Variants in ABCB5 observed in about 807,000 individuals in gnomAD.
The protein encoded by ABCB5 is ATP binding cassette subfamily B member 5.
In ABCB5, 155 loss-of-function variants were observed where a neutral mutation model predicts 144.2. That is an observed-to-expected ratio of 1.08 (90% CI 0.94 to 1.23). ABCB5 has a LOEUF of 1.23. Among genes scored for constraint, ABCB5 ranks in the 50% most tolerant of loss-of-function variants. The pLI, the probability that ABCB5 is intolerant of heterozygous loss-of-function variation, is 0.00. For missense variants in ABCB5, 1,830 were observed against 1,520.8 expected, an observed-to-expected ratio of 1.20 and a Z score of -3.38; for synonymous variants, 610 against 528.6, an observed-to-expected ratio of 1.15 and a Z score of -2.11.
At chr7:20,647,911 T>G in intron 10 of ABCB5, 57 bp from the exon 11 acceptor site, 1 of 1,210,386 alleles carries the variant, frequency 8.3e-7, no homozygotes, top group Non-Finnish European at 1.2e-6. Context: ...TTTTAAAATG[T>G]AGAGACTGTC....
chr7:20,625,245 T>C (rs946057708), intron 2 of ABCB5, among the ~76,000 whole-genome samples: 1 of 152,202 alleles, frequency 6.6e-6, no homozygotes, highest in African/African-American at 2.4e-5. Flanking sequence ...TTAAGTGAAT[T>C]GTCATTTATC....
intron 1 of ABCB5, among the ~76,000 whole-genome samples, chr7:20,618,998 C>T (rs527295207): frequency 2.0e-5 from 3 of 152,062 alleles, no homozygotes; most frequent in African/African-American, 7.2e-5. Flanking sequence ...TGCTCTCAAA[C>T]TCCTGGCCTC....
intron 23 of ABCB5, among the ~76,000 whole-genome samples, chr7:20,734,468 A>C (rs6959944): frequency 0.11 from 16,106 of 150,158 alleles, 958 homozygotes; most frequent in Non-Finnish European, 0.13. Context: ...TCATTTTATC[A>C]AACATTCCAG....
At chr7:20,670,255 C>A (rs1475577054) in intron 14 of ABCB5, among the ~76,000 whole-genome samples, 1 of 151,522 alleles carries the variant, frequency 6.6e-6, no homozygotes, top group Non-Finnish European at 1.5e-5. Flanking sequence ...AATGATGTGT[C>A]AATAGTGGTT....
chr7:20,704,680 A>C, intron 19 of ABCB5, 44 bp from the exon 20 acceptor site: 1 of 1,535,712 alleles, frequency 6.5e-7, no homozygotes, highest in Non-Finnish European at 8.9e-7. Context: ...TCAGATAAAA[A>C]AAATGATTTT....
At chr7:20,696,984 A>G (rs1161778187) in intron 16 of ABCB5, among the ~76,000 whole-genome samples, 6 of 152,198 alleles carry the variant, frequency 3.9e-5, no homozygotes, top group African/African-American at 1.4e-4. Flanking sequence ...GTCCTGGCAC[A>G]TGTTAAACCT....
At chr7:20,736,912 G>T (rs972859186) in intron 23 of ABCB5, among the ~76,000 whole-genome samples, 1 of 152,126 alleles carries the variant, frequency 6.6e-6, no homozygotes, top group Admixed American at 6.5e-5. Context: ...TCCCTAGGCC[G>T]GGCGCAGTGG....
chr7:20,641,320 T>A (rs1784290014), intron 5 of ABCB5, among the ~76,000 whole-genome samples: 1 of 146,928 alleles, frequency 6.8e-6, no homozygotes, highest in Non-Finnish European at 1.5e-5. Context: ...TCAGGAAGAA[T>A]CTATTAAACA....
At chr7:20,660,045 T>G in intron 14 of ABCB5, 1 of 985,500 alleles carries the variant, frequency 1.0e-6, no homozygotes, top group Non-Finnish European at 1.2e-6. Flanking sequence ...GAAGGTTTCA[T>G]GTTGTGCCCG....
chr7:20,632,999 C>T (rs1387571964), intron 5 of ABCB5, among the ~76,000 whole-genome samples: 2 of 151,066 alleles, frequency 1.3e-5, no homozygotes, highest in African/African-American at 4.9e-5. Context: ...TACCCTAAAA[C>T]TTAAAGTATA....
chr7:20,755,573 G>A lies in ABCB5; in HGVS notation c.3723G>A (p.Leu1241=), dbSNP rs759832393. 6.2e-6 allele frequency: 10 copies of A among 1,614,080 alleles called. No individual in the cohort carries two copies. The highest frequency in any genetic ancestry group is 5.0e-5 in the Admixed American group (3 of 59,998). Residue 1241 remains leucine (L), a synonymous_variant, in exon 28 of 28, where the codon CTG becomes CTA. Coordinates refer to ENST00000404938, the MANE Select transcript of ABCB5 (RefSeq NM_001163941.2). The part of the protein sequence containing the change: ...IKEQGTHQEL[L]RNRDIYFKLV... The stretch of plus-strand genomic sequence containing the variant: ...AACAAGGAACTCATCAAGAGCTCCT[G>A]AGAAATCGAGACATATATTTTAAGT...
At chr7:20,646,968 C>T (rs1287503726) in intron 9 of ABCB5, among the ~76,000 whole-genome samples, 2 of 152,200 alleles carry the variant, frequency 1.3e-5, no homozygotes, top group East Asian at 1.9e-4. Flanking sequence ...GCCTAAGCAT[C>T]CTCATCTATA....
At chr7:20,630,228 C>G (rs754307085) in intron 4 of ABCB5, among the ~76,000 whole-genome samples, 1 of 151,992 alleles carries the variant, frequency 6.6e-6, no homozygotes, top group Non-Finnish European at 1.5e-5. Context: ...GTTATAAATA[C>G]TTATTATAAC....
In ABCB5 at chr7:20,687,801, C is replaced by T. The variant is rs1786051012; in HGVS notation, c.2010+1965C>T. Among the ~76,000 whole-genome samples the T allele has an allele frequency of 3.3e-5, 5 of 152,154 alleles. No homozygotes were observed. In the South Asian group the frequency reaches 8.3e-4, roughly 25 times the overall value. On this transcript the variant is annotated intron_variant, in intron 16 of 27. Transcript: ENST00000404938. ...AAGAGAGGTTAAGGTAGGAGGATTG[C>T]TTGAGCTTAGGAGTTCAAGGCTGCA...
At position 20,755,627 on chromosome 7, in the gene ABCB5, C is replaced by T. The variant is rs754596539; in HGVS notation, c.*3C>T. 4 of 1,613,304 alleles carry T rather than the reference C, an allele frequency of 2.5e-6. No individual in the cohort carries two copies. Among genetic ancestry groups the T allele is most frequent in the Non-Finnish European group, 3.4e-6 (4 of 1,179,648 alleles). ...TGAATGCACAGTCAGTGCAGTGATG[C>T]TGTTGAGGTAGCACATATTTTGATG... is the stretch of plus-strand genomic sequence containing the variant. On this transcript the variant is annotated 3_prime_UTR_variant, in exon 28 of 28. Transcript: ENST00000404938.
At position 20,713,453 on chromosome 7, in the gene ABCB5, C is replaced by A. The variant is rs758859712; in HGVS notation, c.2421+8646C>A. ...GTCTCACTGTGTTGTCCAGGCTGGT[C>A]TTGAACTCCTGAGTTCACGTGGTCC... On this transcript the variant is annotated intron_variant, in intron 20 of 27. Coordinates refer to ENST00000404938, the MANE Select transcript of ABCB5 (RefSeq NM_001163941.2). Among the ~76,000 whole-genome samples the A allele has an allele frequency of 6.0e-4, 90 of 149,228 alleles. 8 individuals carry two copies. Among genetic ancestry groups the A allele is most frequent in the Non-Finnish European group, 9.7e-4 (65 of 67,262 alleles).
chr7:20,692,892 G>T (rs901191957), intron 16 of ABCB5, among the ~76,000 whole-genome samples: 5 of 152,096 alleles, frequency 3.3e-5, no homozygotes, highest in African/African-American at 1.2e-4. Context: ...AGTTTATCCA[G>T]AACTGCAAAT....
Position 20,723,062 on chromosome 7 carries a change from T to A in ABCB5, c.2468T>A (p.Met823Lys). ...IGVLTQNATN[M>K]GLSVIISFIY... ...GTCTTAACACAAAATGCAACTAACA[T>A]GGGACTTTCAGTTATCATTTCCTTT... The change falls in exon 21 of 28, where the codon ATG (methionine) becomes AAG (lysine). Residue 823 changes from methionine to lysine, a missense_variant. By Grantham distance (95) the Met-to-Lys change is moderately conservative. Coordinates refer to ENST00000404938, the MANE Select transcript of ABCB5 (RefSeq NM_001163941.2). 1 of 1,614,148 alleles carries A rather than the reference T, an allele frequency of 6.2e-7. No homozygotes were observed. Among genetic ancestry groups the A allele is most frequent in the Non-Finnish European group, 8.5e-7 (1 of 1,180,024 alleles).
chr7:20,667,829 C>A (rs1240255040), intron 14 of ABCB5, among the ~76,000 whole-genome samples: 1 of 147,364 alleles, frequency 6.8e-6, no homozygotes, highest in Non-Finnish European at 1.5e-5. Flanking sequence ...CTGCCTGATT[C>A]TCCTGCCTCA....
Sources: allele counts gnomAD v4.1 joint callset (sites outside exome capture counted in the v4.1 genomes callset), GRCh38; gene constraint gnomAD v4.1.1; transcripts MANE v1.5; gene names NCBI Gene and HGNC (gene_info 2026-07-23, HGNC 2026-07-21).